The following MICAL2 variants were observed in gnomAD, a reference collection of about 807,000 sequenced individuals.
MICAL2 encodes [F-actin]-monooxygenase MICAL2.
Under a neutral mutation model 127.3 loss-of-function variants are expected in MICAL2, and 77 were observed. The ratio of observed to expected loss-of-function variants is 0.60; its 90% CI spans 0.50 to 0.73. MICAL2 has a LOEUF of 0.73. Among genes scored for constraint, MICAL2 ranks in the 30% least tolerant of loss-of-function variants. MICAL2 has a pLI of 0.00. For missense variants in MICAL2, 1,351 were observed against 1,434.4 expected (o/e 0.94, Z 0.94); for synonymous variants, 570 against 551.1 (o/e 1.03, Z -0.48).
intron 15 of MICAL2, among the ~76,000 whole-genome samples, chr11:12,233,702 G>A (rs1858626858): frequency 6.6e-6 from 1 of 152,214 alleles, no homozygotes. Context: ...TAGGGCGGAA[G>A]AGCTGGAAAC....
At chr11:12,322,196 G>A (rs1864307211) in intron 30 of MICAL2, among the ~76,000 whole-genome samples, 1 of 152,134 alleles carries the variant, frequency 6.6e-6, no homozygotes, top group Non-Finnish European at 1.5e-5. Context: ...TTATTACGTA[G>A]GTTAGTATAA....
At chr11:12,196,190 T>C (rs1402227167) in intron 3 of MICAL2, 1 of 153,282 alleles carries the variant, frequency 6.5e-6, no homozygotes. Context: ...TATTGGTGGA[T>C]TGGTTGTGAG....
At chr11:12,250,757 A>G (rs567003548) in intron 22 of MICAL2, among the ~76,000 whole-genome samples, 49 of 152,370 alleles carry the variant, frequency 3.2e-4, no homozygotes, top group African/African-American at 1.2e-3. Context: ...AGGCTGGAAC[A>G]TGATCATCTT....
intron 24 of MICAL2, among the ~76,000 whole-genome samples, chr11:12,270,848 G>A (rs144993834): frequency 9.2e-5 from 14 of 152,338 alleles, no homozygotes; most frequent in African/African-American, 2.9e-4. Context: ...CAGGAGGCCT[G>A]TTGCGTTGTC....
chr11:12,336,008 A>G (rs1938748983), intron 32 of MICAL2, among the ~76,000 whole-genome samples: 1 of 152,200 alleles, frequency 6.6e-6, no homozygotes, highest in East Asian at 1.9e-4. Flanking sequence ...TGGTAGCTTG[A>G]TGGGGATGGC....
chr11:12,125,775 G>T (rs1357877363), intron 1 of MICAL2, among the ~76,000 whole-genome samples: 3 of 152,228 alleles, frequency 2.0e-5, no homozygotes, highest in Admixed American at 6.5e-5. Context: ...TGGGGACGTG[G>T]TAGGTAGATG....
intron 26 of MICAL2, chr11:12,261,113 A>G (rs2134709979): frequency 2.0e-6 from 2 of 985,494 alleles, no homozygotes; most frequent in Admixed American, 6.1e-5. Flanking sequence ...GACTCTGTCC[A>G]CTTATGTGGT....
At chr11:12,285,325 A>G (rs77914421) in intron 2 of MICAL2, among the ~76,000 whole-genome samples, 1,739 of 152,324 alleles carry the variant, frequency 0.011, 17 homozygotes, top group Middle Eastern at 0.048. Flanking sequence ...CAATTTGGGA[A>G]GGTTCGGAAT....
At position 12,229,883 on chromosome 11, in the gene MICAL2, C is replaced by T. The variant is rs187363878; in HGVS notation, c.1995+2752C>T. Among the ~76,000 whole-genome samples, 29 of 152,364 alleles carry T rather than the reference C, an allele frequency of 1.9e-4. No homozygotes were observed. In the East Asian group the frequency reaches 4.4e-3, roughly 23 times the overall value. On this transcript the variant is annotated intron_variant, in intron 15 of 27. Transcript: ENST00000683283. ...CCATTTTGAGAGGAGTCAAGGCCCA[C>T]AGATCTGTCCTCTCCCACAGCCTCA... is the stretch of plus-strand genomic sequence containing the variant.
intron 3 of MICAL2, among the ~76,000 whole-genome samples, chr11:12,178,752 C>T (rs187975169): frequency 4.0e-5 from 6 of 149,340 alleles, no homozygotes; most frequent in Admixed American, 6.7e-5. Flanking sequence ...GACAGTATCT[C>T]GCTCTGTTGC....
chr11:12,235,542 C>T (rs142016726), intron 15 of MICAL2, among the ~76,000 whole-genome samples: 46 of 152,296 alleles, frequency 3.0e-4, no homozygotes, highest in African/African-American at 8.2e-4. Flanking sequence ...TGTATGGTCA[C>T]GCTAGTCATC....
chr11:12,131,011 G>GAATT (rs1305134230), intron 1 of MICAL2, among the ~76,000 whole-genome samples: 12 of 107,882 alleles, frequency 1.1e-4, no homozygotes, highest in South Asian at 3.8e-4. Context: ...GATCCCAGTA[G>GAATT]GGCCGGGCGC....
chr11:12,133,982 G>A (rs1851633641), intron 1 of MICAL2, among the ~76,000 whole-genome samples: 1 of 152,194 alleles, frequency 6.6e-6, no homozygotes. Flanking sequence ...AAGACCCCAG[G>A]CTCCACTGAA....
At position 12,330,900 on chromosome 11, in the gene MICAL2, A is replaced by AGAGAGAGAGTGT. The variant is rs1238311364; in HGVS notation, c.5515+3635_5515+3636insAGAGAGAGTGTG. ...GAGAGAGACAGAGAGAGAGAGAGAG[A>AGAGAGAGAGTGT]GTGTGTGTGTGTGTGTGTGTGTGTG... On this transcript the variant is annotated intron_variant, in intron 32 of 34. Coordinates refer to the MICAL2 transcript ENST00000646065. Among the ~76,000 whole-genome samples, 13 of 119,448 alleles carry AGAGAGAGAGTGT rather than the reference A, an allele frequency of 1.1e-4. 1 individual carries two copies. Among genetic ancestry groups the AGAGAGAGAGTGT allele is most frequent in the African/African-American group, 2.1e-4 (7 of 32,858 alleles). 78.4% of individuals were successfully genotyped at this position (119,448 alleles called of 152,430 possible).
intron 3 of MICAL2, chr11:12,196,299 G>C (rs1055712811): frequency 6.6e-6 from 1 of 152,564 alleles, no homozygotes; most frequent in Non-Finnish European, 1.5e-5. Flanking sequence ...GGGAGAAGCA[G>C]GTTTTTGCAG....
At chr11:12,198,225 C>T (rs1860198102) in intron 3 of MICAL2, among the ~76,000 whole-genome samples, 1 of 152,220 alleles carries the variant, frequency 6.6e-6, no homozygotes, top group African/African-American at 2.4e-5. Context: ...TCCTGAGCTC[C>T]AGTTTCCTAT....
At chr11:12,170,117 T>C (rs1161123450) in intron 3 of MICAL2, among the ~76,000 whole-genome samples, 2 of 152,158 alleles carry the variant, frequency 1.3e-5, no homozygotes, top group East Asian at 3.9e-4. Context: ...CGTGGTGCTT[T>C]ACAGCTCACA....
intron 3 of MICAL2, among the ~76,000 whole-genome samples, chr11:12,164,607 G>A (rs1855250478): frequency 1.3e-5 from 2 of 152,076 alleles, no homozygotes; most frequent in African/African-American, 2.4e-5. Context: ...CTCCATGTTC[G>A]AAGCCTCTCA....
chr11:12,340,717 G>A (rs1938849892), intron 32 of MICAL2, among the ~76,000 whole-genome samples: 1 of 152,128 alleles, frequency 6.6e-6, no homozygotes, highest in Non-Finnish European at 1.5e-5. Context: ...AAATGAATCA[G>A]TCACATGGAT....
Sources: allele counts gnomAD v4.1 joint callset (sites outside exome capture counted in the v4.1 genomes callset), GRCh38; gene constraint gnomAD v4.1.1; transcripts MANE v1.5; gene names NCBI Gene and HGNC (gene_info 2026-07-23, HGNC 2026-07-21).